The following CNTN5 variants were observed in gnomAD, a reference collection of about 807,000 sequenced individuals.
The protein encoded by CNTN5 is contactin 5.
A neutral mutation model predicts 129.1 loss-of-function variants in CNTN5; 77 were observed. The observed-to-expected ratio is 0.60, with a 90% confidence interval of 0.50 to 0.72. The LOEUF (loss-of-function observed/expected upper bound fraction) is 0.72, where lower values mean the gene tolerates loss of function less well. Among genes scored for constraint, CNTN5 ranks in the 30% least tolerant of loss-of-function variants. The pLI, the probability that CNTN5 is intolerant of heterozygous loss-of-function variation, is 0.00. For missense variants in CNTN5, 1,478 were observed against 1,328.8 expected (o/e 1.11, Z -1.75); for synonymous variants, 509 against 465.6 (o/e 1.09, Z -1.20).
chr11:99,331,936 T>TA (rs1345442459), intron 2 of CNTN5, among the ~76,000 whole-genome samples: 2 of 152,040 alleles, frequency 1.3e-5, no homozygotes, highest in African/African-American at 4.8e-5. Flanking sequence ...ATCAAGAGAA[T>TA]AATGAATAAA....
At chr11:99,818,525 G>A (rs138741160) in intron 3 of CNTN5, among the ~76,000 whole-genome samples, 5 of 152,186 alleles carry the variant, frequency 3.3e-5, no homozygotes, top group East Asian at 3.9e-4. Context: ...CTGAGTGCTG[G>A]GATTAAAGGC....
intron 7 of CNTN5, among the ~76,000 whole-genome samples, chr11:99,933,995 T>C (rs151243134): frequency 1.4e-3 from 215 of 152,354 alleles, no homozygotes; most frequent in African/African-American, 5.0e-3. Flanking sequence ...TGTGGAGCTA[T>C]AGGAAAATCT....
chr11:100,000,381 A>G (rs764967428), intron 8 of CNTN5, among the ~76,000 whole-genome samples: 1 of 152,222 alleles, frequency 6.6e-6, no homozygotes, highest in Non-Finnish European at 1.5e-5. Flanking sequence ...GGCAGTTATT[A>G]AATCTTAAAG....
At chr11:99,459,865 A>T (rs1470479066) in intron 2 of CNTN5, among the ~76,000 whole-genome samples, 3 of 152,046 alleles carry the variant, frequency 2.0e-5, no homozygotes, top group Non-Finnish European at 2.9e-5. Flanking sequence ...AAGGGCAATT[A>T]AAGAAGTAAA....
intron 6 of CNTN5, among the ~76,000 whole-genome samples, chr11:99,880,968 A>G (rs1490847379): frequency 1.3e-5 from 2 of 152,238 alleles, no homozygotes; most frequent in African/African-American, 4.8e-5. Context: ...GTCATGGTTC[A>G]TTAGAAGCTA....
At chr11:100,248,234 T>C (rs1450267695) in intron 16 of CNTN5, among the ~76,000 whole-genome samples, 1 of 152,174 alleles carries the variant, frequency 6.6e-6, no homozygotes, top group African/African-American at 2.4e-5. Context: ...TCACTTTTCA[T>C]TTAAAACTAC....
At chr11:99,237,709 T>A (rs1236268203) in intron 1 of CNTN5, among the ~76,000 whole-genome samples, 2 of 151,962 alleles carry the variant, frequency 1.3e-5, no homozygotes, top group African/African-American at 4.8e-5. Context: ...ATTTATAAAA[T>A]GCCTAGTATG....
chr11:99,675,935 G>A (rs1953261777), intron 3 of CNTN5, among the ~76,000 whole-genome samples: 1 of 152,046 alleles, frequency 6.6e-6, no homozygotes, highest in African/African-American at 2.4e-5. Flanking sequence ...TAATATGTGA[G>A]AAAATACTTT....
At chr11:99,103,247 A>T (rs1866826778) in intron 1 of CNTN5, among the ~76,000 whole-genome samples, 1 of 152,222 alleles carries the variant, frequency 6.6e-6, no homozygotes, top group South Asian at 2.1e-4. Context: ...GCCAAACCAT[A>T]TCAATGCTGT....
intron 13 of CNTN5, among the ~76,000 whole-genome samples, chr11:100,129,744 C>A (rs940894782): frequency 5.3e-5 from 8 of 151,908 alleles, no homozygotes; most frequent in African/African-American, 1.9e-4. Flanking sequence ...AAGAAAATAC[C>A]AGTTGTTCAT....
chr11:99,348,736 A>G (rs1938084046), intron 2 of CNTN5, among the ~76,000 whole-genome samples: 1 of 152,198 alleles, frequency 6.6e-6, no homozygotes, highest in Non-Finnish European at 1.5e-5. Context: ...TGTATTATAT[A>G]TCACATATAT....
intron 16 of CNTN5, among the ~76,000 whole-genome samples, chr11:100,236,159 T>C (rs1949609028): frequency 6.6e-6 from 1 of 152,134 alleles, no homozygotes; most frequent in African/African-American, 2.4e-5. Context: ...CAAAGGTCAA[T>C]TCCTAGTCAA....
intron 10 of CNTN5, among the ~76,000 whole-genome samples, 176 bp downstream of exon 10, chr11:100,061,569 T>G (rs972658764): frequency 6.6e-6 from 1 of 152,176 alleles, no homozygotes. Context: ...TAGAAATGAT[T>G]TAAATTATAA....
chr11:99,984,375 AAAGAAAGAAAAG>A (rs1359473488), intron 8 of CNTN5, among the ~76,000 whole-genome samples: 3 of 152,034 alleles, frequency 2.0e-5, no homozygotes, highest in Non-Finnish European at 4.4e-5. Context: ...GAAAGGAAGA[AAAGAAAGAAAAG>A]AAAAAAGAAA....
intron 3 of CNTN5, among the ~76,000 whole-genome samples, chr11:99,711,952 G>A (rs543190317): frequency 1.3e-5 from 2 of 152,012 alleles, no homozygotes; most frequent in South Asian, 2.1e-4. Flanking sequence ...ATGTGTGCAT[G>A]TGTCTTTATG....
At chr11:99,596,418 A>C (rs1002212246) in intron 3 of CNTN5, among the ~76,000 whole-genome samples, 5 of 152,162 alleles carry the variant, frequency 3.3e-5, no homozygotes, top group Admixed American at 1.3e-4. Context: ...ACAGCAAACT[A>C]CCAAGGGCTA....
intron 3 of CNTN5, among the ~76,000 whole-genome samples, chr11:99,803,958 A>T (rs536960979): frequency 1.3e-5 from 2 of 152,158 alleles, no homozygotes; most frequent in African/African-American, 4.8e-5. Context: ...CTAATCTACC[A>T]TCTTGGGTTT....
chr11:100,035,234 C>G (rs891757867), intron 9 of CNTN5, among the ~76,000 whole-genome samples: 1 of 151,788 alleles, frequency 6.6e-6, no homozygotes, highest in African/African-American at 2.4e-5. Context: ...GGTTTTTGTC[C>G]TTGTGATAGT....
At chr11:99,923,753 GTCTGTCTATCTATCTATCTATCTA>G (rs1949992293) in intron 7 of CNTN5, among the ~76,000 whole-genome samples, 2 of 116,300 alleles carry the variant, frequency 1.7e-5, no homozygotes, top group East Asian at 5.2e-4. Context: ...TAATCTATCT[GTCTGTCTATCTATCTATCTATCTA>G]TCTATCTATC....
Sources: allele counts gnomAD v4.1 joint callset (sites outside exome capture counted in the v4.1 genomes callset), GRCh38; gene constraint gnomAD v4.1.1; transcripts MANE v1.5; gene names NCBI Gene and HGNC (gene_info 2026-07-23, HGNC 2026-07-21).